The following GPR39 variants were observed in gnomAD, a reference collection of about 807,000 sequenced individuals.
The protein encoded by GPR39 is zinc sensing receptor.
In GPR39, 23 loss-of-function variants were observed where a neutral mutation model predicts 18.4. That is an observed-to-expected ratio of 1.25 (90% CI 0.90 to 1.77). The LOEUF (loss-of-function observed/expected upper bound fraction) is 1.77. Among genes scored for constraint, GPR39 ranks in the 40% most tolerant of loss-of-function variants. The pLI is 0.00. For missense variants in GPR39, 647 were observed against 602.4 expected, an observed-to-expected ratio of 1.07 and a Z score of -0.78; for synonymous variants, 280 against 257.9, an observed-to-expected ratio of 1.09 and a Z score of -0.82.
At chr2:132,543,850 C>T (rs1679898846) in intron 1 of GPR39, among the ~76,000 whole-genome samples, 1 of 152,146 alleles carries the variant, frequency 6.6e-6, no homozygotes, top group Non-Finnish European at 1.5e-5. Flanking sequence ...GAATAGGCAG[C>T]TAATGTTTCA....
chr2:132,562,832 C>T (rs1032456840), intron 1 of GPR39, among the ~76,000 whole-genome samples: 13 of 152,166 alleles, frequency 8.5e-5, no homozygotes, highest in African/African-American at 3.1e-4. Flanking sequence ...CAAGCTCATG[C>T]AGCAACACCG....
chr2:132,628,957 A>G (rs1681601306), intron 1 of GPR39, among the ~76,000 whole-genome samples: 1 of 152,218 alleles, frequency 6.6e-6, no homozygotes, highest in Non-Finnish European at 1.5e-5. Flanking sequence ...TGACCCAGGC[A>G]TGGAAATTCA....
intron 1 of GPR39, among the ~76,000 whole-genome samples, chr2:132,483,266 G>A (rs984764913): frequency 2.0e-5 from 3 of 152,202 alleles, no homozygotes; most frequent in Non-Finnish European, 2.9e-5. Flanking sequence ...AGCACTGAAT[G>A]TTTAGGGCAA....
intron 1 of GPR39, among the ~76,000 whole-genome samples, chr2:132,421,128 T>G (rs1166639387): frequency 6.6e-6 from 1 of 152,208 alleles, no homozygotes; most frequent in Non-Finnish European, 1.5e-5. Flanking sequence ...GTCCTGTCCC[T>G]TCAATGATGA....
intron 1 of GPR39, among the ~76,000 whole-genome samples, chr2:132,460,206 T>G (rs1025957330): frequency 6.6e-6 from 1 of 152,216 alleles, no homozygotes. Context: ...GTCCGATGCC[T>G]GTGTTTTAGC....
intron 1 of GPR39, among the ~76,000 whole-genome samples, chr2:132,506,681 T>A (rs1277164486): frequency 5.9e-5 from 9 of 152,212 alleles, no homozygotes; most frequent in Non-Finnish European, 1.2e-4. Flanking sequence ...TTGTGAGAAT[T>A]CACTCACTAT....
At chr2:132,444,195 C>T (rs1016672555) in intron 1 of GPR39, among the ~76,000 whole-genome samples, 4 of 152,180 alleles carry the variant, frequency 2.6e-5, no homozygotes, top group South Asian at 2.1e-4. Flanking sequence ...TTTGTATTCT[C>T]ATACTGACTA....
chr2:132,586,527 G>A (rs1380594390), intron 1 of GPR39, among the ~76,000 whole-genome samples: 6 of 152,164 alleles, frequency 3.9e-5, no homozygotes, highest in Non-Finnish European at 8.8e-5. Flanking sequence ...CACCCTTGGG[G>A]CCTTCCCTGG....
At chr2:132,492,395 CAT>C (rs1316025161) in intron 1 of GPR39, among the ~76,000 whole-genome samples, 17 of 133,494 alleles carry the variant, frequency 1.3e-4, no homozygotes, top group African/African-American at 3.1e-4. Context: ...ATATATACAC[CAT>C]ATATATACAT....
chr2:132,428,697 C>G (rs1467468066), intron 1 of GPR39, among the ~76,000 whole-genome samples: 1 of 152,178 alleles, frequency 6.6e-6, no homozygotes, highest in East Asian at 1.9e-4. Flanking sequence ...AAGCACTGAT[C>G]TACAACACTT....
intron 1 of GPR39, among the ~76,000 whole-genome samples, chr2:132,630,930 A>T (rs1394484965): frequency 6.6e-6 from 1 of 152,152 alleles, no homozygotes; most frequent in Non-Finnish European, 1.5e-5. Context: ...GACATGTCCC[A>T]TTGTAGGTAT....
At chr2:132,550,019 CAG>C (rs1206731334) in intron 1 of GPR39, among the ~76,000 whole-genome samples, 2 of 115,572 alleles carry the variant, frequency 1.7e-5, no homozygotes, top group East Asian at 1.5e-3. Flanking sequence ...CAAAGGGAGA[CAG>C]AGTATTCTGA....
chr2:132,435,662 GA>G (rs1204033228), intron 1 of GPR39, among the ~76,000 whole-genome samples: 2 of 152,168 alleles, frequency 1.3e-5, no homozygotes, highest in African/African-American at 4.8e-5. Context: ...ATTACAGAAA[GA>G]ATTTTGGTTG....
At chr2:132,522,919 AGCTG>A (rs1479972654) in intron 1 of GPR39, among the ~76,000 whole-genome samples, 8 of 152,226 alleles carry the variant, frequency 5.3e-5, no homozygotes, top group Non-Finnish European at 1.0e-4. Context: ...ACTGCCTGGA[AGCTG>A]CCACAACAGT....
intron 1 of GPR39, among the ~76,000 whole-genome samples, chr2:132,482,370 G>C (rs993770555): frequency 6.6e-6 from 1 of 152,068 alleles, no homozygotes; most frequent in African/African-American, 2.4e-5. Context: ...TTAGTGAGAT[G>C]CCTTTTCCTC....
chr2:132,519,793 G>T (rs530788402), intron 1 of GPR39, among the ~76,000 whole-genome samples: 16 of 152,150 alleles, frequency 1.1e-4, no homozygotes, highest in Non-Finnish European at 1.6e-4. Flanking sequence ...TCTCATCATT[G>T]CTATTTCCAC....
intron 1 of GPR39, among the ~76,000 whole-genome samples, chr2:132,635,268 G>A (rs1214657029): frequency 1.3e-5 from 2 of 152,200 alleles, no homozygotes; most frequent in African/African-American, 2.4e-5. Context: ...CATTTATTGA[G>A]CAGCTACTAT....
In GPR39 at chr2:132,645,343, C is replaced by G. The variant is rs377094381; in HGVS notation, c.1099C>G (p.His367Asp). ...QVLCCRLSLQ[H>D]ANHEKRLRVH... The stretch of plus-strand genomic sequence containing the variant: ...GCTGTGCTGCCGCCTGTCGCTGCAG[C>G]ACGCCAACCACGAGAAGCGCCTGCG... The change falls in exon 2 of 2, where the codon CAC becomes GAC. Residue 367 changes from histidine (H) to aspartate (D), a missense_variant. Physicochemically the swap from His to Asp is moderately conservative, Grantham distance 81. Transcript: ENST00000329321. The G allele has an allele frequency of 3.1e-6, 5 of 1,614,038 alleles. No homozygotes were observed. The African/African-American group carries it at 6.7e-5, about 22-fold the overall frequency.
chr2:132,531,212 A>T (rs1011558358), intron 1 of GPR39, among the ~76,000 whole-genome samples: 16 of 152,228 alleles, frequency 1.1e-4, no homozygotes, highest in Non-Finnish European at 7.4e-5. Flanking sequence ...TCCTAGTCTC[A>T]GATAAAACAG....
Sources: gnomAD v4.1 joint callset for allele counts (sites outside exome capture counted in the v4.1 genomes callset) on GRCh38, gnomAD v4.1.1 for gene constraint, MANE v1.5 for transcripts, NCBI Gene and HGNC (gene_info 2026-07-23, HGNC 2026-07-21) for gene names.